Variants in TENM2 observed in about 807,000 individuals in gnomAD.
TENM2 encodes teneurin transmembrane protein 2.
In TENM2, 52 loss-of-function variants were observed where a neutral mutation model predicts 245.2. The ratio of observed to expected loss-of-function variants is 0.21; its 90% CI spans 0.17 to 0.27. TENM2 has a LOEUF of 0.27. Among genes scored for constraint, TENM2 ranks in the 10% least tolerant of loss-of-function variants. The pLI, the probability that TENM2 is intolerant of heterozygous loss-of-function variation, is 1.00. For synonymous variants in TENM2, 1,363 were observed against 1,438.9 expected, an observed-to-expected ratio of 0.95 and a Z score of 1.19; for missense variants, 3,046 against 3,666.8, an observed-to-expected ratio of 0.83 and a Z score of 4.37.
At chr5:167,439,948 A>G (rs1260389582) in intron 2 of TENM2, among the ~76,000 whole-genome samples, 1 of 152,242 alleles carries the variant, frequency 6.6e-6, no homozygotes, top group Non-Finnish European at 1.5e-5. Context: ...TTAGTTATAT[A>G]ATAAAGGAAT....
intron 3 of TENM2, among the ~76,000 whole-genome samples, chr5:167,907,259 A>C (rs1243314401): frequency 6.6e-6 from 1 of 151,342 alleles, no homozygotes; most frequent in Non-Finnish European, 1.5e-5. Flanking sequence ...AAATAAATAA[A>C]TAACATAAAA....
chr5:167,913,164 G>A (rs1776680651), intron 3 of TENM2, among the ~76,000 whole-genome samples: 1 of 152,172 alleles, frequency 6.6e-6, no homozygotes, highest in Admixed American at 6.5e-5. Context: ...CAGCTGGTTG[G>A]TGGACCATTT....
intron 5 of TENM2, among the ~76,000 whole-genome samples, chr5:168,014,897 A>T (rs565340769): frequency 7.9e-5 from 12 of 152,290 alleles, no homozygotes; most frequent in Non-Finnish European, 1.3e-4. Context: ...CAAGCAGTTC[A>T]TGAGGCTGAA....
At chr5:167,115,916 G>T in the TENM2 span, among the ~76,000 whole-genome samples, 1 of 152,156 alleles carries the variant, frequency 6.6e-6, no homozygotes, top group Admixed American at 6.5e-5. Flanking sequence ...AAATAACTGA[G>T]AAATTTTGAG....
the TENM2 span, among the ~76,000 whole-genome samples, chr5:167,084,013 G>T: frequency 4.6e-5 from 7 of 151,900 alleles, no homozygotes; most frequent in Admixed American, 6.6e-5. Flanking sequence ...TATAAATCAC[G>T]TACTGAAGGT....
chr5:167,732,245 A>G (rs1760488528), intron 2 of TENM2, among the ~76,000 whole-genome samples: 1 of 152,176 alleles, frequency 6.6e-6, no homozygotes, highest in African/African-American at 2.4e-5. Flanking sequence ...GGCTGTAGAA[A>G]AATCACTAGG....
At chr5:167,420,260 T>C (rs1417506615) in intron 2 of TENM2, among the ~76,000 whole-genome samples, 1 of 152,216 alleles carries the variant, frequency 6.6e-6, no homozygotes, top group Non-Finnish European at 1.5e-5. Flanking sequence ...TATCTTAAAA[T>C]CCAGTTCTCA....
At chr5:167,971,704 C>G (rs199759533) in intron 4 of TENM2, among the ~76,000 whole-genome samples, 3 of 49,524 alleles carry the variant, frequency 6.1e-5, no homozygotes, top group African/African-American at 1.2e-4. Flanking sequence ...CCATCTAAAA[C>G]AAACAAACAA....
At chr5:167,661,321 C>T (rs1159873687) in intron 2 of TENM2, among the ~76,000 whole-genome samples, 1 of 152,124 alleles carries the variant, frequency 6.6e-6, no homozygotes, top group South Asian at 2.1e-4. Flanking sequence ...TATCTTGGAA[C>T]GTGAATTTAG....
In TENM2 at chr5:168,218,063, G is replaced by C; in HGVS notation, c.4234-62G>C. 1.3e-6 allele frequency: 2 copies of C among 1,533,092 alleles called. No homozygotes were observed. Among genetic ancestry groups the C allele is most frequent in the Non-Finnish European group, 1.8e-6 (2 of 1,129,602 alleles). 95.0% of individuals were successfully genotyped at this position (1,533,092 alleles called of 1,614,324 possible). On this transcript the variant is annotated intron_variant, in intron 22 of 28. Coordinates refer to ENST00000518659, the Ensembl canonical transcript of TENM2. The surrounding 1 kb of genome is among the most constrained non-coding windows in gnomAD (Gnocchi z 5.2). ...TAGATATATAAAACCAGTAAGTGCC[G>C]TACGGTTAAACGTTGGACATATTAA...
At chr5:167,066,141 A>G in the TENM2 span, among the ~76,000 whole-genome samples, 1 of 152,168 alleles carries the variant, frequency 6.6e-6, no homozygotes, top group East Asian at 1.9e-4. Flanking sequence ...GAACAACTGG[A>G]TGAATCTTTG....
chr5:167,289,890 T>C (rs1221322751), intron 1 of TENM2, among the ~76,000 whole-genome samples: 1 of 152,230 alleles, frequency 6.6e-6, no homozygotes, highest in Non-Finnish European at 1.5e-5. Flanking sequence ...TAAAAGGTTC[T>C]AGTTTGAAAA....
intron 2 of TENM2, among the ~76,000 whole-genome samples, chr5:167,405,769 A>AAAACAC (rs1554145973): frequency 6.9e-6 from 1 of 145,186 alleles, no homozygotes; most frequent in Non-Finnish European, 1.5e-5. Flanking sequence ...CACACACACA[A>AAAACAC]ACACACACAC....
At chr5:167,996,467 G>A (rs937073603) in intron 5 of TENM2, among the ~76,000 whole-genome samples, 2 of 152,190 alleles carry the variant, frequency 1.3e-5, no homozygotes, top group Admixed American at 6.5e-5. Flanking sequence ...ACTGGTTTAG[G>A]AGAATTTTTC....
At chr5:167,328,398 G>A (rs1456949109) in intron 1 of TENM2, among the ~76,000 whole-genome samples, 1 of 151,698 alleles carries the variant, frequency 6.6e-6, no homozygotes, top group East Asian at 1.9e-4. Context: ...TAGTAGAGAT[G>A]GGTTTCACCA....
the TENM2 span, among the ~76,000 whole-genome samples, chr5:167,100,384 T>C: frequency 6.6e-6 from 1 of 152,220 alleles, no homozygotes; most frequent in East Asian, 1.9e-4. Context: ...CCTGCAGTTG[T>C]CACCCGGCGC....
At chr5:167,670,429 C>A (rs962166954) in intron 2 of TENM2, among the ~76,000 whole-genome samples, 9 of 152,084 alleles carry the variant, frequency 5.9e-5, no homozygotes, top group African/African-American at 2.2e-4. Context: ...TTATTAATTT[C>A]ATTCCTTTGG....
In TENM2 at chr5:167,286,600, C is replaced by G. The variant is rs72829312; in HGVS notation, c.226+1537C>G. 2.5e-3 allele frequency among the ~76,000 whole-genome samples: 380 copies of G among 152,302 alleles called. 1 individual carries two copies. Among genetic ancestry groups the G allele is most frequent in the Middle Eastern group, 0.01 (3 of 294 alleles). On this transcript the variant is annotated intron_variant, in intron 1 of 28. Transcript: ENST00000518659. Reference sequence around the variant, plus strand: ...CTCAGATATTTTGAAAGGTGATGCACGTTCAACGTGGTTCAAAGCCTTTCA... The same window carrying G: ...CTCAGATATTTTGAAAGGTGATGCAGGTTCAACGTGGTTCAAAGCCTTTCA...
At chr5:167,008,822 T>C in the TENM2 span, among the ~76,000 whole-genome samples, 2 of 152,114 alleles carry the variant, frequency 1.3e-5, no homozygotes, top group Admixed American at 1.3e-4. Flanking sequence ...TTGTGAGTCA[T>C]GTATATCGTT....
Sources: allele counts gnomAD v4.1 joint callset (sites outside exome capture counted in the v4.1 genomes callset), GRCh38; gene constraint gnomAD v4.1.1; non-coding constraint Gnocchi (gnomAD v3.1); transcripts MANE v1.5; gene names NCBI Gene and HGNC (gene_info 2026-07-23, HGNC 2026-07-21).